NAV3: variants seen among roughly 807,000 people sequenced by gnomAD.
NAV3 encodes pore membrane and/or filament interacting like protein 1.
NAV3 carries 87 observed loss-of-function variants against 244.7 expected under a neutral mutation model. The observed-to-expected ratio is 0.36, with a 90% CI of 0.30 to 0.42. The LOEUF (loss-of-function observed/expected upper bound fraction) is 0.42. NAV3 is among the 20% of genes least tolerant of loss of function. The pLI, the probability that NAV3 is intolerant of heterozygous loss-of-function variation, is 1.00. For missense variants in NAV3, 2,663 were observed against 2,893.3 expected, an observed-to-expected ratio of 0.92 and a Z score of 1.83; for synonymous variants, 1,126 against 1,042.2, an observed-to-expected ratio of 1.08 and a Z score of -1.55.
chr12:77,837,367 T>A (rs1028500634), intron 1 of NAV3, among the ~76,000 whole-genome samples: 2 of 152,138 alleles, frequency 1.3e-5, no homozygotes, highest in East Asian at 3.9e-4. Flanking sequence ...TGAGACCAAA[T>A]GACACTGGTA....
intron 12 of NAV3, among the ~76,000 whole-genome samples, chr12:78,096,407 G>A (rs1954253627): frequency 6.6e-6 from 1 of 152,104 alleles, no homozygotes; most frequent in South Asian, 2.1e-4. Context: ...GAGATGAAGG[G>A]CTGCCCAGTT....
chr12:77,656,416 A>AAT (rs1430553401), intron 2 of NAV3, among the ~76,000 whole-genome samples: 1 of 123,772 alleles, frequency 8.1e-6, no homozygotes, highest in Non-Finnish European at 1.6e-5. Flanking sequence ...AACTATCCTA[A>AAT]ATATATATGC....
intron 2 of NAV3, among the ~76,000 whole-genome samples, chr12:77,800,856 T>A (rs1203509776): frequency 1.3e-5 from 2 of 152,134 alleles, no homozygotes; most frequent in African/African-American, 4.8e-5. Context: ...TAGCAATTAT[T>A]AGATTTTTCT....
chr12:77,797,244 G>A (rs1871451723), intron 2 of NAV3, among the ~76,000 whole-genome samples: 1 of 152,104 alleles, frequency 6.6e-6, no homozygotes, highest in African/African-American at 2.4e-5. Flanking sequence ...GTAAACTGAA[G>A]CAAAGAGCTC....
chr12:78,135,684 C>T (rs1956343634), intron 18 of NAV3, among the ~76,000 whole-genome samples: 1 of 152,134 alleles, frequency 6.6e-6, no homozygotes, highest in Non-Finnish European at 1.5e-5. Flanking sequence ...TAAACATAAA[C>T]ATTTTAAGTC....
chr12:78,052,350 A>G (rs924503806), intron 11 of NAV3: 1 of 152,194 alleles, frequency 6.6e-6, no homozygotes, highest in Non-Finnish European at 1.5e-5. Flanking sequence ...GAGACTAATT[A>G]TGATTAATTA....
At chr12:77,625,077 T>A (rs908882003) in intron 2 of NAV3, among the ~76,000 whole-genome samples, 13 of 152,200 alleles carry the variant, frequency 8.5e-5, no homozygotes, top group East Asian at 5.8e-4. Context: ...TGGAAAAAAA[T>A]TTTTTTAAGA....
At chr12:77,856,340 A>G (rs1878394270) in intron 1 of NAV3, among the ~76,000 whole-genome samples, 1 of 152,172 alleles carries the variant, frequency 6.6e-6, no homozygotes, top group African/African-American at 2.4e-5. Flanking sequence ...TGACAAGGTG[A>G]AAATTAGGAG....
At chr12:77,646,851 A>G (rs1221847042) in intron 2 of NAV3, among the ~76,000 whole-genome samples, 3 of 152,118 alleles carry the variant, frequency 2.0e-5, no homozygotes, top group African/African-American at 7.2e-5. Context: ...TGGCAAAATC[A>G]TTTTGGAGAT....
chr12:78,123,145 A>T (rs1189310466), intron 16 of NAV3, among the ~76,000 whole-genome samples: 2 of 151,972 alleles, frequency 1.3e-5, no homozygotes, highest in African/African-American at 4.8e-5. Flanking sequence ...CCTCAAAGTG[A>T]TCCTCTCTTG....
intron 2 of NAV3, among the ~76,000 whole-genome samples, chr12:77,652,501 G>T (rs1398893783): frequency 6.6e-6 from 1 of 152,028 alleles, no homozygotes; most frequent in East Asian, 1.9e-4. Context: ...CAATAAAGAT[G>T]TAAACAACTG....
intron 31 of NAV3, 36 bp downstream of exon 31, chr12:78,185,734 A>G (rs774847816): frequency 3.3e-6 from 5 of 1,532,104 alleles, no homozygotes; most frequent in African/African-American, 1.4e-5. Flanking sequence ...ATTACTAACA[A>G]TGAGAATTAC....
At chr12:77,979,210 C>G (rs1378550241) in intron 5 of NAV3, among the ~76,000 whole-genome samples, 1 of 81,782 alleles carries the variant, frequency 1.2e-5, no homozygotes, top group African/African-American at 4.9e-5. Flanking sequence ...CTACTCTCTA[C>G]AAAAAATACA....
intron 1 of NAV3, among the ~76,000 whole-genome samples, chr12:77,832,267 A>T (rs931830511): frequency 6.6e-6 from 1 of 151,894 alleles, no homozygotes; most frequent in Non-Finnish European, 1.5e-5. Flanking sequence ...CTGAAACGCT[A>T]CTCTTTTACT....
chr12:77,805,288 A>T (rs1249956779), intron 2 of NAV3, among the ~76,000 whole-genome samples: 1 of 152,178 alleles, frequency 6.6e-6, no homozygotes, highest in Non-Finnish European at 1.5e-5. Context: ...TTTCAGTATG[A>T]TATTGGCTGT....
intron 33 of NAV3, among the ~76,000 whole-genome samples, chr12:78,189,398 G>A (rs1010080240): frequency 4.6e-5 from 7 of 151,710 alleles, no homozygotes; most frequent in African/African-American, 1.2e-4. Flanking sequence ...AATTGAGTTC[G>A]TAAAATGAGA....
intron 2 of NAV3, among the ~76,000 whole-genome samples, chr12:77,713,289 A>G (rs1876209547): frequency 6.6e-6 from 1 of 152,198 alleles, no homozygotes; most frequent in Non-Finnish European, 1.5e-5. Context: ...CATTTATAAA[A>G]TACCGTTTTC....
At chr12:77,751,486 G>C (rs1478627204) in intron 2 of NAV3, among the ~76,000 whole-genome samples, 1 of 152,106 alleles carries the variant, frequency 6.6e-6, no homozygotes, top group Non-Finnish European at 1.5e-5. Flanking sequence ...ATGATAGTGA[G>C]TTCTCACAAT....
chr12:78,185,758 T>G, intron 31 of NAV3, 60 bp downstream of exon 31: 1 of 1,406,832 alleles, frequency 7.1e-7, no homozygotes, highest in Non-Finnish European at 9.9e-7. Flanking sequence ...GAGTCAAGTG[T>G]ATTTTATGTG....
Sources: gnomAD v4.1 joint callset for allele counts (sites outside exome capture counted in the v4.1 genomes callset) on GRCh38, gnomAD v4.1.1 for gene constraint, MANE v1.5 for transcripts, NCBI Gene and HGNC (gene_info 2026-07-23, HGNC 2026-07-21) for gene names.